Variants in LDAH observed in about 807,000 individuals in gnomAD.
LDAH encodes lipid droplet-associated hydrolase.
Under a neutral mutation model 29.6 loss-of-function variants are expected in LDAH, and 26 were observed. The observed-to-expected ratio is 0.88, with a 90% CI of 0.64 to 1.22. The LOEUF (loss-of-function observed/expected upper bound fraction) is 1.22. LDAH is among the 50% of genes most tolerant of loss of function. The pLI, the probability that LDAH is intolerant of heterozygous loss-of-function variation, is 0.00. For missense variants in LDAH, 344 were observed against 387.3 expected, an observed-to-expected ratio of 0.89 and a Z score of 0.94; for synonymous variants, 117 against 133.0, an observed-to-expected ratio of 0.88 and a Z score of 0.83.
chr2:20,821,057 T>C (rs566279178), intron 1 of LDAH, among the ~76,000 whole-genome samples: 129 of 152,022 alleles, frequency 8.5e-4, no homozygotes, highest in African/African-American at 2.9e-3. Context: ...AAATCAAAAC[T>C]ACAATGAGAC....
intron 4 of LDAH, among the ~76,000 whole-genome samples, chr2:20,753,863 T>C (rs116614009): frequency 0.011 from 1,678 of 152,302 alleles, 26 homozygotes; most frequent in African/African-American, 0.038. Context: ...TGGCTCCCAG[T>C]GGCCAAATAT....
intron 5 of LDAH, among the ~76,000 whole-genome samples, chr2:20,729,077 T>C (rs903835463): frequency 6.6e-6 from 1 of 152,214 alleles, no homozygotes; most frequent in Non-Finnish European, 1.5e-5. Context: ...AACAATGTAG[T>C]ATAAAACTCT....
intron 1 of LDAH, among the ~76,000 whole-genome samples, chr2:20,801,958 A>G (rs5002112): frequency 0.04 from 5,555 of 138,418 alleles, 135 homozygotes; most frequent in African/African-American, 0.054. Flanking sequence ...GTGTGTGTGT[A>G]TGTGTGTGTG....
Position 20,790,267 on chromosome 2 carries a change from T to C in LDAH, c.286A>G (p.Thr96Ala). ...ALAPKDKKIL[T>A]TSEDSNAQEI... ...AACAAGGACATACCCTCTGATGTTG[T>C]AAGAATCTTCTTGTCTTTGGGAGCC... The change falls in exon 3 of 7, where the codon ACA becomes GCA. Residue 96 changes from threonine (T) to alanine (A), a missense_variant. Thr to Ala is a moderately conservative substitution (Grantham distance 58). Transcript: ENST00000237822. The C allele has an allele frequency of 6.2e-7, 1 of 1,614,178 alleles. No homozygotes were observed. The highest frequency in any genetic ancestry group is 8.5e-7 in the Non-Finnish European group (1 of 1,180,014).
chr2:20,784,061 C>T (rs1670388620), intron 3 of LDAH, among the ~76,000 whole-genome samples: 1 of 152,196 alleles, frequency 6.6e-6, no homozygotes, highest in South Asian at 2.1e-4. Context: ...CCCCCTACCA[C>T]TCCAACAATC....
intron 6 of LDAH, among the ~76,000 whole-genome samples, chr2:20,688,288 C>A (rs1387163574): frequency 2.0e-5 from 3 of 152,092 alleles, no homozygotes; most frequent in Non-Finnish European, 4.4e-5. Flanking sequence ...GAAGACCAAG[C>A]AAACCAAAGC....
chr2:20,705,660 G>A (rs1398029427), intron 5 of LDAH, among the ~76,000 whole-genome samples: 1 of 152,074 alleles, frequency 6.6e-6, no homozygotes, highest in Non-Finnish European at 1.5e-5. Context: ...GAGACTTAAA[G>A]TGCTTATAGT....
At chr2:20,775,788 TC>T (rs1369546406) in intron 3 of LDAH, among the ~76,000 whole-genome samples, 1 of 152,226 alleles carries the variant, frequency 6.6e-6, no homozygotes, top group Non-Finnish European at 1.5e-5. Context: ...CTGTGCTTAA[TC>T]AGTACCTCTT....
chr2:20,685,437 C>G lies in LDAH; in HGVS notation c.*1466G>C, dbSNP rs185165894. 7.2e-7 allele frequency: 1 copy of G among 1,388,712 alleles called. No homozygotes were observed. Among genetic ancestry groups the G allele is most frequent in the African/African-American group, 1.4e-5 (1 of 69,330 alleles). 86.0% of individuals were successfully genotyped at this position (1,388,712 alleles called of 1,614,324 possible). A position where few individuals can be genotyped will look rare whatever the true frequency, so the allele number is the denominator to read the frequency against. The stretch of plus-strand genomic sequence containing the variant: ...CGGCCTATGTATCTATTAGCTCTTC[C>G]CCTTGGGCTAACAGCACTCCTTGTC... On this transcript the variant is annotated 3_prime_UTR_variant, in exon 7 of 7. Transcript: ENST00000237822.
At chr2:20,757,864 A>C (rs1249800788) in intron 4 of LDAH, among the ~76,000 whole-genome samples, 2 of 151,974 alleles carry the variant, frequency 1.3e-5, no homozygotes, top group Non-Finnish European at 2.9e-5. Flanking sequence ...CAGCCTTTGG[A>C]CTGGAATTAA....
intron 3 of LDAH, chr2:20,788,798 A>T: frequency 4.2e-6 from 1 of 239,686 alleles, no homozygotes; most frequent in Non-Finnish European, 8.2e-6. Context: ...AGTGTCCTTC[A>T]ACTCTTGGAT....
intron 3 of LDAH, among the ~76,000 whole-genome samples, chr2:20,775,429 T>G (rs188574594): frequency 2.2e-4 from 33 of 152,310 alleles, no homozygotes; most frequent in Non-Finnish European, 4.1e-4. Flanking sequence ...TCAGTAGGTC[T>G]AGGCTGGGGC....
At chr2:20,754,314 C>T (rs982334560) in intron 4 of LDAH, among the ~76,000 whole-genome samples, 4 of 151,592 alleles carry the variant, frequency 2.6e-5, no homozygotes, top group African/African-American at 9.7e-5. Flanking sequence ...ACGGTGAAAC[C>T]CGTCTCTACT....
chr2:20,686,896 G>T lies in LDAH; in HGVS notation c.*7C>A. The T allele has an allele frequency of 6.2e-7, 1 of 1,610,472 alleles. No homozygotes were observed. The highest frequency in any genetic ancestry group is 8.5e-7 in the Non-Finnish European group (1 of 1,177,888). On this transcript the variant is annotated 3_prime_UTR_variant, in exon 7 of 7. Transcript: ENST00000237822. ...ACTGGCAGTGGGGGCTTGTTCCTCAGGCCAATTTACATTTTGGACAAGTCA... is the reference window on the plus strand; with the variant it reads ...ACTGGCAGTGGGGGCTTGTTCCTCATGCCAATTTACATTTTGGACAAGTCA...
At chr2:20,812,340 A>G (rs1220640236) in intron 1 of LDAH, among the ~76,000 whole-genome samples, 1 of 152,144 alleles carries the variant, frequency 6.6e-6, no homozygotes, top group African/African-American at 2.4e-5. Flanking sequence ...TCCCTTCTCT[A>G]TATGCTCTCC....
At chr2:20,788,871 C>T in intron 3 of LDAH, 4 of 332,892 alleles carry the variant, frequency 1.2e-5, no homozygotes, top group Non-Finnish European at 2.2e-5. Context: ...TATTTTTTCT[C>T]TCATTTTTTA....
intron 6 of LDAH, among the ~76,000 whole-genome samples, chr2:20,695,569 C>T (rs1663389607): frequency 6.6e-6 from 1 of 151,902 alleles, no homozygotes; most frequent in Non-Finnish European, 1.5e-5. Context: ...TCTGCCTCAG[C>T]CTCCCGAGTA....
intron 4 of LDAH, among the ~76,000 whole-genome samples, chr2:20,767,085 C>T (rs1415643525): frequency 6.6e-6 from 1 of 152,218 alleles, no homozygotes; most frequent in African/African-American, 2.4e-5. Flanking sequence ...CCCCTGAATG[C>T]CAGGGCCACT....
At chr2:20,816,613 C>A (rs518968) in intron 1 of LDAH, among the ~76,000 whole-genome samples, 24,219 of 151,718 alleles carry the variant, frequency 0.16, 4,718 homozygotes, top group African/African-American at 0.47. Flanking sequence ...CAACAGAGCT[C>A]AAAGGAAAAA....
Sources: allele counts gnomAD v4.1 joint callset (sites outside exome capture counted in the v4.1 genomes callset), GRCh38; gene constraint gnomAD v4.1.1; transcripts MANE v1.5; gene names NCBI Gene and HGNC (gene_info 2026-07-23, HGNC 2026-07-21).